Variants in TRAPPC9 observed in about 807,000 individuals in gnomAD.
TRAPPC9 encodes the protein IKK2 binding protein.
Under a neutral mutation model 124.0 loss-of-function variants are expected in TRAPPC9, and 83 were observed. That is an observed-to-expected ratio of 0.67 (90% CI 0.56 to 0.80). TRAPPC9 has a LOEUF of 0.80. Ranked by LOEUF, TRAPPC9 falls within the 30% of genes least tolerant of loss-of-function variation. The pLI, the probability that TRAPPC9 is intolerant of heterozygous loss-of-function variation, is 0.00. For synonymous variants in TRAPPC9, 638 were observed against 617.5 expected, an observed-to-expected ratio of 1.03 and a Z score of -0.49; for missense variants, 1,302 against 1,508.3, an observed-to-expected ratio of 0.86 and a Z score of 2.27.
At chr8:140,339,386 C>G (rs1232283440) in intron 9 of TRAPPC9, among the ~76,000 whole-genome samples, 1 of 152,198 alleles carries the variant, frequency 6.6e-6, no homozygotes, top group East Asian at 1.9e-4. Context: ...AAATACTAAT[C>G]GGCTTGAAAT....
intron 17 of TRAPPC9, among the ~76,000 whole-genome samples, chr8:140,079,053 G>A (rs540136815): frequency 2.0e-5 from 3 of 152,250 alleles, no homozygotes; most frequent in Admixed American, 6.5e-5. Flanking sequence ...TTCCAATGCT[G>A]TTTTCGTGAT....
At chr8:140,084,279 C>G (rs924219429) in intron 17 of TRAPPC9, among the ~76,000 whole-genome samples, 1 of 152,104 alleles carries the variant, frequency 6.6e-6, no homozygotes, top group Non-Finnish European at 1.5e-5. Context: ...GAAAATAAAT[C>G]TCTATAAATC....
At chr8:139,862,189 C>T (rs555474535) in intron 21 of TRAPPC9, among the ~76,000 whole-genome samples, 1 of 152,388 alleles carries the variant, frequency 6.6e-6, no homozygotes, top group East Asian at 1.9e-4. Context: ...ACCGCCAGGG[C>T]ACTTGGCCCC....
chr8:140,375,675 G>C (rs1485177396), intron 7 of TRAPPC9, among the ~76,000 whole-genome samples: 2 of 152,220 alleles, frequency 1.3e-5, no homozygotes, highest in Non-Finnish European at 2.9e-5. Flanking sequence ...CTCTCAGTGA[G>C]TGTTCAAGAA....
chr8:140,291,950 C>T (rs960503354), intron 11 of TRAPPC9, among the ~76,000 whole-genome samples: 1 of 152,168 alleles, frequency 6.6e-6, no homozygotes, highest in South Asian at 2.1e-4. Context: ...TTAGTTGAGC[C>T]TCCAGATGAG....
chr8:140,142,646 T>C (rs1216938085), intron 17 of TRAPPC9, among the ~76,000 whole-genome samples: 2 of 152,238 alleles, frequency 1.3e-5, no homozygotes, highest in Non-Finnish European at 2.9e-5. Flanking sequence ...CCCCCACTTT[T>C]ACACTCCAGG....
chr8:140,363,180 T>C (rs893094163), intron 8 of TRAPPC9, among the ~76,000 whole-genome samples: 12 of 152,342 alleles, frequency 7.9e-5, no homozygotes, highest in African/African-American at 2.9e-4. Flanking sequence ...TAATCCCTCG[T>C]CCAGGAAAAG....
intron 17 of TRAPPC9, chr8:140,099,837 T>TAGAGCAGGGA (rs2060540577): frequency 7.1e-6 from 1 of 141,344 alleles, no homozygotes; most frequent in African/African-American, 2.7e-5. Flanking sequence ...CTCCGCAGCC[T>TAGAGCAGGGA]TCTCCAGGGG....
chr8:139,853,947 A>G (rs572516833), intron 21 of TRAPPC9, among the ~76,000 whole-genome samples: 17 of 152,384 alleles, frequency 1.1e-4, no homozygotes, highest in African/African-American at 3.8e-4. Context: ...ACATGTGTAT[A>G]CCATACGTAT....
chr8:140,190,833 T>C (rs2062474141), intron 17 of TRAPPC9, among the ~76,000 whole-genome samples: 1 of 152,052 alleles, frequency 6.6e-6, no homozygotes, highest in African/African-American at 2.4e-5. Context: ...AGAAAGAAGG[T>C]CAAATATATA....
chr8:140,290,987 A>G lies in TRAPPC9; in HGVS notation c.1854+6T>C, dbSNP rs372317890. On this transcript the variant is annotated splice_donor_region_variant and intron_variant, in intron 12 of 22. Coordinates refer to ENST00000438773, the MANE Select transcript of TRAPPC9 (RefSeq NM_001160372.4). ...CCAAAAAGGTCAAATGATTGGTGATACATACCATGTTTTCAACTCGAAGTT... is the reference window on the plus strand; with the variant it reads ...CCAAAAAGGTCAAATGATTGGTGATGCATACCATGTTTTCAACTCGAAGTT... 26 of 1,613,378 alleles carry G rather than the reference A, an allele frequency of 1.6e-5. No individual in the cohort carries two copies. The highest frequency in any genetic ancestry group is 2.1e-5 in the Non-Finnish European group (25 of 1,179,280).
intron 21 of TRAPPC9, among the ~76,000 whole-genome samples, chr8:139,845,239 T>C (rs1288459862): frequency 1.3e-5 from 2 of 152,054 alleles, no homozygotes; most frequent in Non-Finnish European, 2.9e-5. Context: ...CCACCAAGCA[T>C]TGTAGGGTAT....
intron 17 of TRAPPC9, among the ~76,000 whole-genome samples, chr8:140,165,948 A>C (rs1016444370): frequency 1.3e-5 from 2 of 152,034 alleles, no homozygotes; most frequent in Non-Finnish European, 2.9e-5. Flanking sequence ...TGCCTCTGCT[A>C]AGCGCCATGA....
chr8:139,861,025 C>T (rs1476879203), intron 21 of TRAPPC9, among the ~76,000 whole-genome samples: 1 of 152,252 alleles, frequency 6.6e-6, no homozygotes, highest in Non-Finnish European at 1.5e-5. Flanking sequence ...CCACAGCAGC[C>T]CTTCTATATT....
At chr8:140,421,134 C>T (rs1480527023) in intron 5 of TRAPPC9, among the ~76,000 whole-genome samples, 1 of 152,146 alleles carries the variant, frequency 6.6e-6, no homozygotes, top group Non-Finnish European at 1.5e-5. Context: ...ACAGGATAAA[C>T]TCAGCCCAAA....
chr8:139,807,941 A>G (rs1309796769), intron 21 of TRAPPC9, among the ~76,000 whole-genome samples: 1 of 152,168 alleles, frequency 6.6e-6, no homozygotes, highest in African/African-American at 2.4e-5. Context: ...ACTTCTCCAC[A>G]GACAGGAAGG....
intron 10 of TRAPPC9, among the ~76,000 whole-genome samples, chr8:140,307,336 C>A (rs565346658): frequency 1.3e-5 from 2 of 152,290 alleles, no homozygotes; most frequent in Non-Finnish European, 2.9e-5. Context: ...TCCAGCCCTA[C>A]CTGAATTCCT....
chr8:139,871,534 G>C (rs1563879223), intron 21 of TRAPPC9, among the ~76,000 whole-genome samples: 1 of 152,182 alleles, frequency 6.6e-6, no homozygotes, highest in Non-Finnish European at 1.5e-5. Flanking sequence ...AGGACTATTA[G>C]AACCTTATAT....
chr8:139,740,083 A>C (rs1218725332), intron 21 of TRAPPC9, among the ~76,000 whole-genome samples: 3 of 152,226 alleles, frequency 2.0e-5, no homozygotes, highest in African/African-American at 7.2e-5. Flanking sequence ...CTCTAGGCCG[A>C]GCTACCATGC....
Sources: allele counts gnomAD v4.1 joint callset (sites outside exome capture counted in the v4.1 genomes callset), GRCh38; gene constraint gnomAD v4.1.1; transcripts MANE v1.5; gene names NCBI Gene and HGNC (gene_info 2026-07-23, HGNC 2026-07-21).